Variants in GALNT2 observed in about 807,000 individuals in gnomAD.
GALNT2 encodes UDP-GalNAc:polypeptide N-acetylgalactosaminyltransferase 2.
GALNT2 carries 31 observed loss-of-function variants against 81.4 expected under a neutral mutation model. That is an observed-to-expected ratio of 0.38 (90% CI 0.29 to 0.51). The LOEUF (loss-of-function observed/expected upper bound fraction) is 0.51. Ranked by LOEUF, GALNT2 falls within the 20% of genes least tolerant of loss-of-function variation. GALNT2 has a pLI of 0.87. For synonymous variants in GALNT2, 303 were observed against 287.4 expected, an observed-to-expected ratio of 1.05 and a Z score of -0.55; for missense variants, 629 against 765.7, an observed-to-expected ratio of 0.82 and a Z score of 2.11.
At chr1:230,109,644 A>T (rs1034664899) in intron 1 of GALNT2, among the ~76,000 whole-genome samples, 1 of 152,224 alleles carries the variant, frequency 6.6e-6, no homozygotes, top group African/African-American at 2.4e-5. Flanking sequence ...CCTGGTCAAC[A>T]TGGTGAAACC....
chr1:230,096,845 C>T (rs922536426), intron 1 of GALNT2, among the ~76,000 whole-genome samples: 1 of 152,222 alleles, frequency 6.6e-6, no homozygotes, highest in Non-Finnish European at 1.5e-5. Context: ...TCCAACCCAG[C>T]CTCTCATTCA....
At chr1:230,067,652 CCTCT>C (rs1284894425) in intron 1 of GALNT2, among the ~76,000 whole-genome samples, 1 of 152,098 alleles carries the variant, frequency 6.6e-6, no homozygotes, top group Non-Finnish European at 1.5e-5. Context: ...GGACGTCGCC[CCTCT>C]CTCTGCTCGT....
intron 3 of GALNT2, among the ~76,000 whole-genome samples, chr1:230,214,713 T>C (rs1664336140): frequency 6.6e-6 from 1 of 152,242 alleles, no homozygotes; most frequent in Non-Finnish European, 1.5e-5. Flanking sequence ...AGTTTTGCCA[T>C]GCTGCAGTTC....
intron 6 of GALNT2, among the ~76,000 whole-genome samples, chr1:230,239,320 A>G (rs893962527): frequency 1.3e-5 from 2 of 152,226 alleles, no homozygotes; most frequent in Non-Finnish European, 2.9e-5. Context: ...GGAGTTTATT[A>G]AGGAATATTG....
chr1:230,067,304 G>T lies in GALNT2; in HGVS notation c.24G>T (p.Leu8=). 2 of 1,374,998 alleles carry T rather than the reference G, an allele frequency of 1.5e-6. No individual in the cohort carries two copies. The highest frequency in any genetic ancestry group is 1.5e-5 in the African/African-American group (1 of 65,836). The allele number at this position is 1,374,998 out of a possible 1,614,324, so 85.2% of individuals were successfully genotyped here. A position where few individuals can be genotyped will look rare whatever the true frequency, so the allele number is the denominator to read the frequency against. Residue 8 remains leucine, a synonymous_variant, in exon 1 of 16, where the codon CTG becomes CTT. Coordinates refer to ENST00000366672, the MANE Select transcript of GALNT2 (RefSeq NM_004481.5). The part of the protein sequence containing the change: MRRRSRM[L]LCFAFLWVLG... The stretch of plus-strand genomic sequence containing the variant: ...GAATGCGGCGGCGCTCGCGGATGCT[G>T]CTCTGCTTCGCCTTCCTGTGGGTGC...
At chr1:230,109,210 A>T (rs969146524) in intron 1 of GALNT2, among the ~76,000 whole-genome samples, 2 of 152,168 alleles carry the variant, frequency 1.3e-5, no homozygotes, top group Non-Finnish European at 2.9e-5. Flanking sequence ...ACCCCCGTAG[A>T]TGGGATGCAG....
At chr1:230,236,311 C>G in intron 4 of GALNT2, 42 bp from the exon 5 acceptor site, 1 of 1,578,958 alleles carries the variant, frequency 6.3e-7, no homozygotes, top group South Asian at 1.1e-5. Context: ...AAGTTTATAC[C>G]CCTAAAAGAC....
At chr1:230,106,671 C>G (rs1427702948) in intron 1 of GALNT2, among the ~76,000 whole-genome samples, 1 of 152,178 alleles carries the variant, frequency 6.6e-6, no homozygotes, top group African/African-American at 2.4e-5. Flanking sequence ...ATTGTTTGGC[C>G]TCTCCTGTCA....
intron 1 of GALNT2, among the ~76,000 whole-genome samples, chr1:230,132,420 G>A (rs976025382): frequency 5.3e-5 from 8 of 152,240 alleles, no homozygotes; most frequent in Non-Finnish European, 1.0e-4. Flanking sequence ...ACAGTGGGAT[G>A]AGGCTGCCTT....
At chr1:230,219,615 C>T (rs555073667) in intron 3 of GALNT2, among the ~76,000 whole-genome samples, 14 of 152,236 alleles carry the variant, frequency 9.2e-5, no homozygotes, top group Admixed American at 5.9e-4. Flanking sequence ...CTGGATCCCC[C>T]TCCTGGGCCC....
At chr1:230,177,306 C>A (rs1244140719) in intron 1 of GALNT2, among the ~76,000 whole-genome samples, 3 of 152,262 alleles carry the variant, frequency 2.0e-5, no homozygotes, top group South Asian at 2.1e-4. Context: ...GAGCTGGGTT[C>A]CCCGCCCCGC....
chr1:230,231,899 G>A (rs893514127), intron 3 of GALNT2, among the ~76,000 whole-genome samples: 91 of 152,222 alleles, frequency 6.0e-4, no homozygotes, highest in African/African-American at 1.9e-3. Flanking sequence ...AGCCTGCGTC[G>A]TCTGGTAGAA....
Position 230,217,709 on chromosome 1 carries a change from G to A in GALNT2, c.374+14419G>A, listed in dbSNP as rs543511697. ...ATCTGGTTTCTGCTTTCAAGATGGC[G>A]CCAAGAACAGTGGATCTTCCAGAGG... On this transcript the variant is annotated intron_variant, in intron 3 of 15. Coordinates refer to ENST00000366672, the MANE Select transcript of GALNT2 (RefSeq NM_004481.5). Among the ~76,000 whole-genome samples the A allele has an allele frequency of 1.7e-4, 26 of 152,328 alleles. No individual in the cohort carries two copies. In the East Asian group the frequency reaches 4.2e-3, roughly 25 times the overall value.
In GALNT2 at chr1:230,152,120, TC is replaced by T. The variant is rs370871795; in HGVS notation, c.127-26096del. On this transcript the variant is annotated intron_variant, in intron 1 of 15. Transcript: ENST00000366672. ...TATTTTGTGCCGATCTCCTATCTCA[TC>T]CTGTGACTTAGAATGCCTTAACTGT... 3.2e-4 allele frequency among the ~76,000 whole-genome samples: 48 copies of T among 152,330 alleles called. No individual in the cohort carries two copies. In the East Asian group the frequency reaches 8.3e-3, roughly 26 times the overall value.
intron 6 of GALNT2, among the ~76,000 whole-genome samples, chr1:230,242,220 C>T (rs1665224739): frequency 6.6e-6 from 1 of 152,228 alleles, no homozygotes; most frequent in Non-Finnish European, 1.5e-5. Flanking sequence ...TTTCTGTCTG[C>T]TTCTGGCTTT....
At chr1:230,101,362 A>T (rs960705725) in intron 1 of GALNT2, among the ~76,000 whole-genome samples, 8 of 152,174 alleles carry the variant, frequency 5.3e-5, no homozygotes, top group Admixed American at 5.2e-4. Flanking sequence ...CTTCAAGGGG[A>T]CAGGGCCTCT....
intron 1 of GALNT2, among the ~76,000 whole-genome samples, chr1:230,107,644 G>GTGTGTGTGTGTGT (rs1553256987): frequency 1.6e-4 from 23 of 147,766 alleles, no homozygotes; most frequent in South Asian, 6.4e-4. Flanking sequence ...GTGTGTGTGT[G>GTGTGTGTGTGTGT]GTTGGTTGGT....
At chr1:230,265,420 G>C (rs990752893) in intron 14 of GALNT2, 53 bp downstream of exon 14, 3 of 1,609,010 alleles carry the variant, frequency 1.9e-6, no homozygotes, top group South Asian at 2.2e-5. Flanking sequence ...AGCAGGAGTT[G>C]GGGGGGTCCT....
chr1:230,173,001 C>T (rs1483014796), intron 1 of GALNT2, among the ~76,000 whole-genome samples: 1 of 152,102 alleles, frequency 6.6e-6, no homozygotes, highest in Non-Finnish European at 1.5e-5. Context: ...TGGTTTAATT[C>T]CATTTGTGCC....
Sources: allele counts gnomAD v4.1 joint callset (sites outside exome capture counted in the v4.1 genomes callset), GRCh38; gene constraint gnomAD v4.1.1; transcripts MANE v1.5; gene names NCBI Gene and HGNC (gene_info 2026-07-23, HGNC 2026-07-21).